The following UPB1 variants were observed in gnomAD, a reference collection of about 807,000 sequenced individuals.
UPB1 encodes the protein beta-ureidopropionase.
A neutral mutation model predicts 49.1 loss-of-function variants in UPB1; 40 were observed. The observed-to-expected ratio is 0.81, with a 90% CI of 0.63 to 1.06. UPB1 has a LOEUF of 1.06. Ranked by LOEUF, UPB1 falls within the 50% of genes least tolerant of loss-of-function variation. The pLI is 0.00. For synonymous variants in UPB1, 207 were observed against 198.2 expected (o/e 1.04, Z -0.38); for missense variants, 499 against 505.9 (o/e 0.99, Z 0.13).
At chr22:24,509,779 T>C (rs1292017513) in intron 3 of UPB1, among the ~76,000 whole-genome samples, 3 of 152,218 alleles carry the variant, frequency 2.0e-5, no homozygotes, top group Non-Finnish European at 4.4e-5. Flanking sequence ...GTGTACAGTC[T>C]GTGGCATTAA....
At position 24,515,300 on chromosome 22, in the gene UPB1, A is replaced by C. The variant is rs1267129817; in HGVS notation, c.721A>C (p.Asn241His). Residue 241 changes from asparagine (N) to histidine (H), a missense_variant, in exon 6 of 10, where the codon AAC becomes CAC. By Grantham distance (68) the Asn-to-His change is moderately conservative. Coordinates refer to ENST00000326010, the MANE Select transcript of UPB1 (RefSeq NM_016327.3). ...TTGCTACGGGCGGCACCACCCCCTCAACTGGCTTATGTACAGCATCAACGG... is the reference window on the plus strand; with the variant it reads ...TTGCTACGGGCGGCACCACCCCCTCCACTGGCTTATGTACAGCATCAACGG... ...NICYGRHHPLNWLMYSINGAE... is the reference protein window; with the variant it reads ...NICYGRHHPLHWLMYSINGAE... 2 of 1,614,164 alleles carry C rather than the reference A, an allele frequency of 1.2e-6. No individual in the cohort carries two copies. Among genetic ancestry groups the C allele is most frequent in the Non-Finnish European group, 1.7e-6 (2 of 1,180,040 alleles).
At chr22:24,500,556 G>C (rs2043977117) in intron 2 of UPB1, among the ~76,000 whole-genome samples, 1 of 152,216 alleles carries the variant, frequency 6.6e-6, no homozygotes, top group African/African-American at 2.4e-5. Context: ...AACCGGGAGG[G>C]TGCCCTTTTG....
chr22:24,511,895 G>T (rs1055165019), intron 4 of UPB1, among the ~76,000 whole-genome samples: 1 of 152,092 alleles, frequency 6.6e-6, no homozygotes. Context: ...GATTATAGGC[G>T]TGAGCCACCG....
Position 24,526,574 on chromosome 22 carries a change from A to G in UPB1, c.*780A>G, listed in dbSNP as rs2044483907. 1 of 152,404 alleles carries G rather than the reference A, an allele frequency of 6.6e-6. No homozygotes were observed. The highest frequency in any genetic ancestry group is 1.5e-5 in the Non-Finnish European group (1 of 68,230). 9.4% of individuals were successfully genotyped at this position (152,404 alleles called of 1,614,324 possible). On this transcript the variant is annotated 3_prime_UTR_variant, in exon 10 of 10. Transcript: ENST00000326010. ...AGTCAATTCCTTGCAATAAATCTCA[A>G]TATATCCCCTACTGGTTCTGCTTCT...
intron 3 of UPB1, chr22:24,502,827 C>T (rs535213442): frequency 6.1e-5 from 23 of 377,710 alleles, no homozygotes; most frequent in African/African-American, 4.3e-4. Context: ...CCTTTCTTGC[C>T]TCCTCCTGGC....
intron 3 of UPB1, among the ~76,000 whole-genome samples, chr22:24,504,518 T>C (rs1050463651): frequency 2.6e-5 from 4 of 152,290 alleles, no homozygotes; most frequent in African/African-American, 9.6e-5. Context: ...TTCATAATGA[T>C]ATTCCATTGT....
At chr22:24,506,646 A>G (rs763332740) in intron 3 of UPB1, among the ~76,000 whole-genome samples, 1 of 152,104 alleles carries the variant, frequency 6.6e-6, no homozygotes, top group Non-Finnish European at 1.5e-5. Context: ...TCGTTTTCCT[A>G]TTTTTGTTAC....
At chr22:24,507,183 A>G (rs1419047382) in intron 3 of UPB1, among the ~76,000 whole-genome samples, 4 of 152,046 alleles carry the variant, frequency 2.6e-5, no homozygotes. Context: ...CACTTGACTC[A>G]CTCCTAATGC....
intron 1 of UPB1, among the ~76,000 whole-genome samples, chr22:24,496,063 CTG>C (rs1406438587): frequency 1.3e-5 from 2 of 152,194 alleles, no homozygotes. Flanking sequence ...CTGCTGGACA[CTG>C]TGTCCACAAA....
At chr22:24,504,792 A>C (rs2044058152) in intron 3 of UPB1, among the ~76,000 whole-genome samples, 1 of 148,386 alleles carries the variant, frequency 6.7e-6, no homozygotes, top group African/African-American at 2.5e-5. Context: ...CAGTGGCACA[A>C]TCACAGCTCA....
intron 2 of UPB1, among the ~76,000 whole-genome samples, chr22:24,501,680 G>A (rs1158529355): frequency 6.6e-6 from 1 of 152,220 alleles, no homozygotes; most frequent in Non-Finnish European, 1.5e-5. Flanking sequence ...AGCCAGAGAG[G>A]CGAGGCATTC....
chr22:24,520,047 A>G (rs1408241675), intron 6 of UPB1: 2 of 383,870 alleles, frequency 5.2e-6, no homozygotes, highest in African/African-American at 4.1e-5. Flanking sequence ...GACATTTCAG[A>G]AAAGGAAACT....
chr22:24,518,991 A>G (rs2044343156), intron 6 of UPB1, among the ~76,000 whole-genome samples: 1 of 152,082 alleles, frequency 6.6e-6, no homozygotes, highest in Admixed American at 6.5e-5. Context: ...GAGAGCATAA[A>G]TTTTATTTCC....
At chr22:24,496,944 G>C (rs533589977) in intron 1 of UPB1, among the ~76,000 whole-genome samples, 2 of 152,302 alleles carry the variant, frequency 1.3e-5, no homozygotes, top group African/African-American at 4.8e-5. Flanking sequence ...CTGAGGGGAA[G>C]CATGTGTGGA....
rs1293255909 is a variant in UPB1, at chr22:24,523,788, C to T, written c.1071+15C>T. On this transcript the variant is annotated intron_variant, in intron 9 of 9. Coordinates refer to ENST00000326010, the MANE Select transcript of UPB1 (RefSeq NM_016327.3). The stretch of plus-strand genomic sequence containing the variant: ...GGAACTTCAAGGTAGGTCCCCAGGA[C>T]CCCTGTTGTTGCCTGCTCCTCTGCT... 1.2e-5 allele frequency: 19 copies of T among 1,614,126 alleles called. No individual in the cohort carries two copies. The highest frequency in any genetic ancestry group is 1.5e-5 in the Non-Finnish European group (18 of 1,180,032).
At chr22:24,500,757 A>G (rs999513647) in intron 2 of UPB1, among the ~76,000 whole-genome samples, 2 of 152,220 alleles carry the variant, frequency 1.3e-5, no homozygotes. Flanking sequence ...GCATTCGCTT[A>G]TGACCTCAGA....
chr22:24,503,458 C>T (rs1403456231), intron 3 of UPB1: 1 of 152,104 alleles, frequency 6.6e-6, no homozygotes, highest in Non-Finnish European at 1.5e-5. Flanking sequence ...GTAGTGGATC[C>T]TTATAGATTT....
intron 4 of UPB1, 53 bp downstream of exon 4, chr22:24,510,896 A>C: frequency 6.3e-7 from 1 of 1,579,198 alleles, no homozygotes; most frequent in East Asian, 2.2e-5. Context: ...TGCAAGTCAC[A>C]GAGCATGACC....
chr22:24,514,451 C>T (rs2044259186), intron 5 of UPB1, among the ~76,000 whole-genome samples: 2 of 152,232 alleles, frequency 1.3e-5, no homozygotes, highest in African/African-American at 2.4e-5. Context: ...ATCCTGGTTG[C>T]TGCCTGACCC....
Sources: gnomAD v4.1 joint callset for allele counts (sites outside exome capture counted in the v4.1 genomes callset) on GRCh38, gnomAD v4.1.1 for gene constraint, MANE v1.5 for transcripts, NCBI Gene and HGNC (gene_info 2026-07-23, HGNC 2026-07-21) for gene names.